PTPRQ: variants seen among roughly 807,000 people sequenced by gnomAD.
PTPRQ encodes phosphatidylinositol phosphatase PTPRQ.
PTPRQ carries 199 observed loss-of-function variants against 246.0 expected under a neutral mutation model. The ratio of observed to expected loss-of-function variants is 0.81; its 90% CI spans 0.72 to 0.91. PTPRQ has a LOEUF of 0.91. PTPRQ is among the 40% of genes least tolerant of loss of function. The pLI is 0.00. For synonymous variants in PTPRQ, 869 were observed against 853.2 expected, an observed-to-expected ratio of 1.02 and a Z score of -0.32; for missense variants, 2,624 against 2,528.4, an observed-to-expected ratio of 1.04 and a Z score of -0.81.
chr12:80,472,108 G>T lies in PTPRQ; in HGVS notation c.1043G>T (p.Arg348Leu), dbSNP rs775296221. Reference sequence around the variant, plus strand: ...AGCTATCTTCCACTTTTTGCAGGTCGCATTTTGGATAACAGCACAAAAGAC... The same window carrying T: ...AGCTATCTTCCACTTTTTGCAGGTCTCATTTTGGATAACAGCACAAAAGAC... ...YRVELYGPSG[R>L]ILDNSTKDLK... Residue 348 changes from arginine (R) to leucine (L), a missense_variant, in exon 8 of 45, where the codon CGC (arginine) becomes CTC (leucine). Arg to Leu is a moderately radical substitution (Grantham distance 102). Transcript: ENST00000644991. 6.5e-6 allele frequency: 10 copies of T among 1,549,326 alleles called. No individual in the cohort carries two copies. In the South Asian group the frequency reaches 1.2e-4, roughly 19 times the overall value.
intron 35 of PTPRQ, among the ~76,000 whole-genome samples, chr12:80,639,384 T>A (rs1284879578): frequency 6.6e-6 from 1 of 152,218 alleles, no homozygotes; most frequent in East Asian, 1.9e-4. Context: ...ACTCAGTTTC[T>A]TTTAGTCCTC....
chr12:80,592,472 A>C (rs1897831052), intron 26 of PTPRQ, among the ~76,000 whole-genome samples: 1 of 152,120 alleles, frequency 6.6e-6, no homozygotes, highest in Non-Finnish European at 1.5e-5. Flanking sequence ...TTGAGATTAT[A>C]TGGGGAACTG....
chr12:80,517,542 CAATT>C (rs1183376508), intron 17 of PTPRQ, among the ~76,000 whole-genome samples: 1 of 151,956 alleles, frequency 6.6e-6, no homozygotes, highest in East Asian at 1.9e-4. Flanking sequence ...TTATAATGTA[CAATT>C]AATTATTATT....
Position 80,534,159 on chromosome 12 carries a change from TC to T in PTPRQ, c.2824del (p.Gln942LysfsTer24). On this transcript the variant is annotated frameshift_variant, in exon 18 of 45. Coordinates refer to ENST00000644991, the MANE Select transcript of PTPRQ (RefSeq NM_001145026.2). LOFTEE classifies it high-confidence loss of function. ...GKTRSNIISF[Q>X]TPEGAPSDPP... ...AAACAAGAAGCAATATCATTAGCTT[TC>T]AAACACCAGAGGGAGGTGAGTTAAG... 1 of 1,536,730 alleles carries T rather than the reference TC, an allele frequency of 6.5e-7. No homozygotes were observed. The highest frequency in any genetic ancestry group is 8.8e-7 in the Non-Finnish European group (1 of 1,140,248).
rs190746755 is a variant in PTPRQ at position 80,473,678 on chromosome 12, T to A, written c.1186+1427T>A. On this transcript the variant is annotated intron_variant, in intron 8 of 44. Transcript: ENST00000644991. Reference sequence around the variant, plus strand: ...ATAGGGAAATAGATAATGCATATGCTGTGTACAATGTCATGTTATTTGTCT... The same window carrying A: ...ATAGGGAAATAGATAATGCATATGCAGTGTACAATGTCATGTTATTTGTCT... 2.6e-5 allele frequency among the ~76,000 whole-genome samples: 4 copies of A among 152,352 alleles called. No individual in the cohort carries two copies. The East Asian group carries it at 7.7e-4, about 29-fold the overall frequency.
intron 8 of PTPRQ, among the ~76,000 whole-genome samples, chr12:80,478,984 T>C (rs1270970606): frequency 1.3e-5 from 2 of 151,826 alleles, no homozygotes; most frequent in Admixed American, 6.6e-5. Flanking sequence ...TTCCCCAATC[T>C]AGCAAGGCAG....
rs573873292 is a variant in PTPRQ, at chr12:80,564,036, G to A, written c.4285+14302G>A. On this transcript the variant is annotated intron_variant, in intron 25 of 44. Coordinates refer to ENST00000644991, the MANE Select transcript of PTPRQ (RefSeq NM_001145026.2). ...TGCTAGACTGCACTGTTTTTTTTGT[G>A]TGCGTGTGCTTTTTAAATTTTTAGC... is the stretch of plus-strand genomic sequence containing the variant. Among the ~76,000 whole-genome samples, 5 of 151,442 alleles carry A rather than the reference G, an allele frequency of 3.3e-5. No individual in the cohort carries two copies. The South Asian group carries it at 1.0e-3, about 31-fold the overall frequency.
At chr12:80,518,094 C>T (rs1366565869) in intron 17 of PTPRQ, among the ~76,000 whole-genome samples, 1 of 152,044 alleles carries the variant, frequency 6.6e-6, no homozygotes, top group Non-Finnish European at 1.5e-5. Flanking sequence ...ATTTGTATTC[C>T]CACCAACAGT....
chr12:80,618,036 A>G (rs1898829764), intron 30 of PTPRQ, among the ~76,000 whole-genome samples: 2 of 151,250 alleles, frequency 1.3e-5, no homozygotes, highest in South Asian at 4.2e-4. Context: ...TTCACAGATA[A>G]TTCCCCCAAA....
intron 35 of PTPRQ, among the ~76,000 whole-genome samples, chr12:80,643,474 T>C (rs1899964200): frequency 6.6e-6 from 1 of 152,088 alleles, no homozygotes; most frequent in Admixed American, 6.5e-5. Flanking sequence ...ATTACTCACT[T>C]ATGGTATATT....
rs1280263298 is a variant in PTPRQ at position 80,484,551 on chromosome 12, A to G, written c.1305A>G (p.Leu435=). Residue 435 remains leucine (L), a synonymous_variant, in exon 9 of 45, where the codon CTA becomes CTG. Transcript: ENST00000644991. The part of the protein sequence containing the change: ...GIINQYRVKV[L]VPETGIILEN... ...TTAACCAATACCGAGTGAAAGTGCTAGTTCCAGAGACAGGAATAATTTTGG... is the reference window on the plus strand; with the variant it reads ...TTAACCAATACCGAGTGAAAGTGCTGGTTCCAGAGACAGGAATAATTTTGG... 1.3e-6 allele frequency: 2 copies of G among 1,550,826 alleles called. No homozygotes were observed. Among genetic ancestry groups the G allele is most frequent in the Non-Finnish European group, 8.7e-7 (1 of 1,146,750 alleles).
intron 33 of PTPRQ, among the ~76,000 whole-genome samples, chr12:80,625,651 A>G (rs1311107754): frequency 6.6e-6 from 1 of 152,156 alleles, no homozygotes; most frequent in Non-Finnish European, 1.5e-5. Flanking sequence ...GGCCAGGTAG[A>G]ACTTCACTGG....
At chr12:80,451,013 T>G (rs1892747593) in intron 3 of PTPRQ, among the ~76,000 whole-genome samples, 1 of 152,228 alleles carries the variant, frequency 6.6e-6, no homozygotes. Flanking sequence ...GGTCCTGGAC[T>G]CTTTTTCGTT....
intron 17 of PTPRQ, among the ~76,000 whole-genome samples, chr12:80,522,045 T>C (rs961622736): frequency 1.3e-5 from 2 of 152,188 alleles, no homozygotes; most frequent in African/African-American, 2.4e-5. Context: ...CATTGAGCAG[T>C]GGTTTGTAGT....
In PTPRQ at chr12:80,541,705, C is replaced by A. The variant is rs1896159119; in HGVS notation, c.3305C>A (p.Pro1102His). 6.4e-7 allele frequency: 1 copy of A among 1,551,180 alleles called. No individual in the cohort carries two copies. The highest frequency in any genetic ancestry group is 8.7e-7 in the Non-Finnish European group (1 of 1,146,738). ...LQQTPRHVRP[P>H]LVTYERSIYF... is the part of the protein sequence containing the mutation. ...CAGACTCCTCGCCATGTGAGACCAC[C>A]TCTTGTTACATATGAGAGAAGCATA... is the stretch of plus-strand genomic sequence containing the variant. The change falls in exon 21 of 45, where the codon CCT becomes CAT. Residue 1102 changes from proline (P) to histidine (H), a missense_variant. Transcript: ENST00000644991.
intron 33 of PTPRQ, among the ~76,000 whole-genome samples, chr12:80,629,617 G>T (rs141997596): frequency 1.3e-5 from 2 of 152,010 alleles, no homozygotes; most frequent in African/African-American, 4.8e-5. Flanking sequence ...CAGTTAATGA[G>T]GGACCAGATC....
chr12:80,542,078 T>G lies in PTPRQ; in HGVS notation c.3446-11T>G. ...TTTTGTTTCATTTAATATTCTCTTTTTCTTTTATAGTCCCAGAAACTTCAC... is the reference window on the plus strand; with the variant it reads ...TTTTGTTTCATTTAATATTCTCTTTGTCTTTTATAGTCCCAGAAACTTCAC... On this transcript the variant is annotated splice_polypyrimidine_tract_variant and intron_variant, in intron 21 of 44. Transcript: ENST00000644991. 1 of 1,532,650 alleles carries G rather than the reference T, an allele frequency of 6.5e-7. No individual in the cohort carries two copies. Among genetic ancestry groups the G allele is most frequent in the Non-Finnish European group, 8.8e-7 (1 of 1,142,606 alleles). The allele number at this position is 1,532,650 out of a possible 1,614,324, so 94.9% of individuals were successfully genotyped here.
rs1327676218 is a variant in PTPRQ at position 80,670,413 on chromosome 12, A to G, written c.6523A>G (p.Ser2175Gly). The G allele has an allele frequency of 1.9e-6, 3 of 1,551,108 alleles. No individual in the cohort carries two copies. Among genetic ancestry groups the G allele is most frequent in the Non-Finnish European group, 2.6e-6 (3 of 1,146,636 alleles). ...GCCAGAGCATGGGGTTCCTGAGAAC[A>G]GCGCCCCTCTAATTCACTTTGTGAA... ...AWPEHGVPEN[S>G]APLIHFVKLV... The change falls in exon 42 of 45, where the codon AGC becomes GGC. Residue 2175 changes from serine to glycine, a missense_variant. By Grantham distance (56) the Ser-to-Gly change is moderately conservative. Coordinates refer to ENST00000644991, the MANE Select transcript of PTPRQ (RefSeq NM_001145026.2).
intron 25 of PTPRQ, among the ~76,000 whole-genome samples, chr12:80,579,470 T>A (rs1011733406): frequency 3.9e-5 from 6 of 152,194 alleles, no homozygotes; most frequent in African/African-American, 1.4e-4. Flanking sequence ...AATCCTCAGT[T>A]GTTCCTTCAA....
Sources: allele counts gnomAD v4.1 joint callset (sites outside exome capture counted in the v4.1 genomes callset), GRCh38; gene constraint gnomAD v4.1.1; transcripts MANE v1.5; gene names NCBI Gene and HGNC (gene_info 2026-07-23, HGNC 2026-07-21).